Variants in RALGAPA1 observed in about 807,000 individuals in gnomAD.
RALGAPA1 encodes Ral GTPase activating protein catalytic subunit alpha 1.
In RALGAPA1, 52 loss-of-function variants were observed where a neutral mutation model predicts 269.6. The ratio of observed to expected loss-of-function variants is 0.19; its 90% CI spans 0.15 to 0.24. RALGAPA1 has a LOEUF of 0.24. RALGAPA1 is among the 10% of genes least tolerant of loss of function. The probability of loss-of-function intolerance (pLI) is 1.00; values close to 1 mark genes in which losing one functional copy is unlikely to be tolerated. For missense variants in RALGAPA1, 1,917 were observed against 3,013.9 expected (o/e 0.64, Z 8.52); for synonymous variants, 817 against 1,008.3 (o/e 0.81, Z 3.60).
chr14:35,790,421 C>T (rs1396349801), intron 1 of RALGAPA1, among the ~76,000 whole-genome samples: 1 of 151,290 alleles, frequency 6.6e-6, no homozygotes, highest in Non-Finnish European at 1.5e-5. Flanking sequence ...AGCGCGGTAG[C>T]TCAGGCCTGT....
At chr14:35,775,504 T>G (rs150136404) in intron 2 of RALGAPA1, 131 bp downstream of exon 2, 1 of 1,071,164 alleles carries the variant, frequency 9.3e-7, no homozygotes, top group South Asian at 1.9e-5. Flanking sequence ...CCTATGATAG[T>G]AGTGTGAGAG....
intron 17 of RALGAPA1, among the ~76,000 whole-genome samples, chr14:35,692,248 AG>A (rs2066540460): frequency 1.3e-5 from 2 of 152,130 alleles, no homozygotes; most frequent in Admixed American, 6.5e-5. Context: ...ATTTTACCAA[AG>A]GTCAAAATCA....
At chr14:35,766,301 T>C (rs1166342318) in intron 4 of RALGAPA1, 2 of 944,638 alleles carry the variant, frequency 2.1e-6, no homozygotes, top group African/African-American at 3.2e-5. Flanking sequence ...CTACGGATTC[T>C]ACCACAGCAC....
At chr14:35,549,089 A>T (rs1207934594) in intron 40 of RALGAPA1, 21 bp downstream of exon 40, 2 of 1,610,302 alleles carry the variant, frequency 1.2e-6, no homozygotes, top group Middle Eastern at 2.2e-4. Context: ...ACAAGTAACT[A>T]ATACTCGCTT....
At chr14:35,667,489 T>G in intron 26 of RALGAPA1, among the ~76,000 whole-genome samples, 1 of 152,218 alleles carries the variant, frequency 6.6e-6, no homozygotes, top group Non-Finnish European at 1.5e-5. Flanking sequence ...AAACGTAGTC[T>G]AAAGCAGTGC....
intron 38 of RALGAPA1, among the ~76,000 whole-genome samples, chr14:35,571,338 A>AT (rs1325961276): frequency 6.6e-6 from 1 of 151,860 alleles, no homozygotes; most frequent in East Asian, 1.9e-4. Flanking sequence ...AATATTTTAG[A>AT]TTTTGTGGTC....
intron 37 of RALGAPA1, among the ~76,000 whole-genome samples, chr14:35,587,906 C>T (rs192629342): frequency 6.6e-6 from 1 of 151,918 alleles, no homozygotes; most frequent in Admixed American, 6.6e-5. Flanking sequence ...CATTTAACAA[C>T]CCTTTTATTT....
At chr14:35,721,884 T>C (rs1254149113) in intron 15 of RALGAPA1, 35 bp from the exon 16 acceptor site, 1 of 1,570,892 alleles carries the variant, frequency 6.4e-7, no homozygotes, top group Admixed American at 1.7e-5. Context: ...AATATACTGT[T>C]ACTTGATCAA....
intron 1 of RALGAPA1, among the ~76,000 whole-genome samples, chr14:35,800,212 G>A (rs1221708814): frequency 3.3e-5 from 5 of 152,202 alleles, no homozygotes; most frequent in Non-Finnish European, 7.3e-5. Flanking sequence ...GGACAGAGAA[G>A]ACTTGAACAA....
chr14:35,740,991 G>A (rs527332932), intron 11 of RALGAPA1, among the ~76,000 whole-genome samples: 4 of 152,076 alleles, frequency 2.6e-5, no homozygotes, highest in Non-Finnish European at 5.9e-5. Flanking sequence ...TGCAAGAGTC[G>A]CTGGCACTTC....
At chr14:35,760,690 T>C in intron 6 of RALGAPA1, 139 bp downstream of exon 6, 1 of 583,822 alleles carries the variant, frequency 1.7e-6, no homozygotes, top group East Asian at 2.9e-5. Context: ...TCACCATACC[T>C]GAATAATAAT....
chr14:35,601,766 T>C (rs1326925515), intron 36 of RALGAPA1, among the ~76,000 whole-genome samples: 1 of 152,240 alleles, frequency 6.6e-6, no homozygotes, highest in Admixed American at 6.5e-5. Flanking sequence ...GCTTGTTTTA[T>C]ATGTAATGTC....
At chr14:35,763,253 A>G (rs1215324938) in intron 4 of RALGAPA1, among the ~76,000 whole-genome samples, 2 of 152,152 alleles carry the variant, frequency 1.3e-5, no homozygotes, top group Non-Finnish European at 2.9e-5. Flanking sequence ...TGAAAATAAC[A>G]TGAACAAACC....
intron 26 of RALGAPA1, among the ~76,000 whole-genome samples, chr14:35,670,853 G>A (rs1416159715): frequency 2.0e-5 from 3 of 151,820 alleles, no homozygotes; most frequent in Non-Finnish European, 4.4e-5. Context: ...GACCTGTGAG[G>A]CGGAGGCTGC....
rs142561263 is a variant in RALGAPA1 at position 35,656,893 on chromosome 14, C to T, written c.5388-978G>A. Reference sequence around the variant, plus strand: ...TTTGTAGCACTAAATAACCAAGCTTCGGGTTTAGCTATGGAAACATCTATA... The same window carrying T: ...TTTGTAGCACTAAATAACCAAGCTTTGGGTTTAGCTATGGAAACATCTATA... On this transcript the variant is annotated intron_variant, in intron 28 of 41. Transcript: ENST00000680220. Among the ~76,000 whole-genome samples, 608 of 152,206 alleles carry T rather than the reference C, an allele frequency of 4.0e-3. 4 individuals are homozygous for T. The highest frequency in any genetic ancestry group is 0.014 in the African/African-American group (565 of 41,528).
chr14:35,656,791 T>C (rs2063202961), intron 28 of RALGAPA1, among the ~76,000 whole-genome samples: 1 of 152,178 alleles, frequency 6.6e-6, no homozygotes, highest in Admixed American at 6.5e-5. Flanking sequence ...CTATGAAAAT[T>C]ACCTGAAAGT....
At chr14:35,688,428 C>A in intron 18 of RALGAPA1, 31 bp downstream of exon 18, 1 of 1,536,038 alleles carries the variant, frequency 6.5e-7, no homozygotes, top group Non-Finnish European at 8.7e-7. Flanking sequence ...TGTCTTTCTC[C>A]TTTTGCGCTC....
intron 39 of RALGAPA1, among the ~76,000 whole-genome samples, chr14:35,561,350 A>G (rs1324670021): frequency 1.3e-5 from 2 of 151,692 alleles, no homozygotes; most frequent in African/African-American, 2.4e-5. Context: ...GAGTCACTGT[A>G]GAAGTGTGGC....
intron 37 of RALGAPA1, among the ~76,000 whole-genome samples, chr14:35,579,606 C>CA (rs11397749): frequency 0.95 from 126,836 of 133,260 alleles, 60,458 homozygotes; most frequent in East Asian, 0.99. Flanking sequence ...GACTCCGTCT[C>CA]AAAAAAAAAA....
Sources: gnomAD v4.1 joint callset for allele counts (sites outside exome capture counted in the v4.1 genomes callset) on GRCh38, gnomAD v4.1.1 for gene constraint, MANE v1.5 for transcripts, NCBI Gene and HGNC (gene_info 2026-07-23, HGNC 2026-07-21) for gene names.